MARCHF1: variants seen among roughly 807,000 people sequenced by gnomAD.
The protein encoded by MARCHF1 is membrane associated ring-CH-type finger 1.
Under a neutral mutation model 54.2 loss-of-function variants are expected in MARCHF1, and 40 were observed. The observed-to-expected ratio is 0.74, with a 90% CI of 0.57 to 0.96. The LOEUF is 0.96. Ranked by LOEUF, MARCHF1 falls within the 40% of genes least tolerant of loss-of-function variation. MARCHF1 has a pLI of 0.00. For missense variants in MARCHF1, 586 were observed against 656.5 expected, an observed-to-expected ratio of 0.89 and a Z score of 1.17; for synonymous variants, 236 against 236.3, an observed-to-expected ratio of 1.00 and a Z score of 0.01.
At chr4:163,838,232 A>G (rs1269429260) in intron 4 of MARCHF1, among the ~76,000 whole-genome samples, 3 of 152,092 alleles carry the variant, frequency 2.0e-5, no homozygotes, top group Non-Finnish European at 4.4e-5. Context: ...CCTGATGTAA[A>G]ATGGTTTAGT....
intron 4 of MARCHF1, among the ~76,000 whole-genome samples, chr4:163,841,753 T>C (rs1749345992): frequency 6.6e-6 from 1 of 152,146 alleles, no homozygotes; most frequent in South Asian, 2.1e-4. Context: ...GGTATGACAA[T>C]GTGTCTGTGG....
At chr4:163,679,894 C>T in intron 5 of MARCHF1, among the ~76,000 whole-genome samples, 1 of 152,112 alleles carries the variant, frequency 6.6e-6, no homozygotes, top group Non-Finnish European at 1.5e-5. Context: ...GCCACCGCGC[C>T]CGGCCTTTAT....
At chr4:164,312,322 T>TC (rs1303373670) in intron 1 of MARCHF1, among the ~76,000 whole-genome samples, 9 of 136,190 alleles carry the variant, frequency 6.6e-5, no homozygotes, top group Admixed American at 5.1e-4. Context: ...TCTTTTTCTT[T>TC]TTTTTTTTTT....
chr4:164,365,733 T>G (rs1730860111), intron 1 of MARCHF1, among the ~76,000 whole-genome samples: 1 of 152,082 alleles, frequency 6.6e-6, no homozygotes, highest in South Asian at 2.1e-4. Context: ...TTGAACTAGA[T>G]TTGAACTCCT....
chr4:163,533,414 C>T (rs1378963408), intron 9 of MARCHF1, among the ~76,000 whole-genome samples: 4 of 151,832 alleles, frequency 2.6e-5, no homozygotes, highest in Admixed American at 2.6e-4. Flanking sequence ...CTGTATGATT[C>T]TGTAACGGTG....
At chr4:164,134,987 A>G (rs914457815) in intron 1 of MARCHF1, among the ~76,000 whole-genome samples, 3 of 152,194 alleles carry the variant, frequency 2.0e-5, no homozygotes, top group Non-Finnish European at 2.9e-5. Context: ...TACTTCCTTC[A>G]CATTTTATTT....
intron 1 of MARCHF1, among the ~76,000 whole-genome samples, chr4:164,313,804 G>C (rs533747746): frequency 6.6e-6 from 1 of 152,164 alleles, no homozygotes; most frequent in Non-Finnish European, 1.5e-5. Flanking sequence ...GGGTCAGTCT[G>C]AGCCTCCTTC....
intron 4 of MARCHF1, among the ~76,000 whole-genome samples, chr4:163,841,252 C>T (rs1749328361): frequency 6.6e-6 from 1 of 151,938 alleles, no homozygotes; most frequent in Non-Finnish European, 1.5e-5. Context: ...TAAGAGTGAA[C>T]TCCAATATAA....
At chr4:164,293,888 G>A (rs114078752) in intron 1 of MARCHF1, among the ~76,000 whole-genome samples, 4,838 of 152,250 alleles carry the variant, frequency 0.032, 192 homozygotes, top group East Asian at 0.16. Flanking sequence ...ATTCCTGGGT[G>A]TGTCTGTGAG....
chr4:163,534,057 T>C (rs899684453), intron 9 of MARCHF1, among the ~76,000 whole-genome samples: 1 of 152,034 alleles, frequency 6.6e-6, no homozygotes, highest in African/African-American at 2.4e-5. Flanking sequence ...TTTCCAAACA[T>C]TGCACATCCT....
At chr4:163,549,083 A>T (rs553943332) in intron 8 of MARCHF1, among the ~76,000 whole-genome samples, 1 of 152,218 alleles carries the variant, frequency 6.6e-6, no homozygotes, top group South Asian at 2.1e-4. Context: ...TCCTGAGAAG[A>T]TCCTCTTCAG....
At chr4:163,652,704 T>A (rs370327494) in intron 5 of MARCHF1, among the ~76,000 whole-genome samples, 28 of 151,932 alleles carry the variant, frequency 1.8e-4, no homozygotes, top group East Asian at 9.8e-4. Flanking sequence ...TTCTTCTAAG[T>A]GTTCCATAAA....
At chr4:163,901,897 TG>T (rs1434031713) in intron 3 of MARCHF1, among the ~76,000 whole-genome samples, 1 of 152,206 alleles carries the variant, frequency 6.6e-6, no homozygotes, top group Admixed American at 6.5e-5. Flanking sequence ...CTAAAAGCCC[TG>T]GCTGTTTAAA....
At chr4:163,866,974 G>A (rs1291268917) in intron 3 of MARCHF1, among the ~76,000 whole-genome samples, 1 of 151,750 alleles carries the variant, frequency 6.6e-6, no homozygotes, top group African/African-American at 2.4e-5. Flanking sequence ...CCTGAGTTTT[G>A]GTGCCTATAT....
chr4:163,729,738 C>T (rs1273118213), intron 4 of MARCHF1, among the ~76,000 whole-genome samples: 1 of 152,030 alleles, frequency 6.6e-6, no homozygotes, highest in African/African-American at 2.4e-5. Flanking sequence ...TTTTTGTCTT[C>T]TCTCAGACAT....
intron 2 of MARCHF1, among the ~76,000 whole-genome samples, chr4:164,036,508 T>C (rs1754006934): frequency 6.6e-6 from 1 of 152,204 alleles, no homozygotes; most frequent in Non-Finnish European, 1.5e-5. Flanking sequence ...AAATTGATAT[T>C]TTACTTGTAA....
intron 4 of MARCHF1, among the ~76,000 whole-genome samples, chr4:163,754,921 C>T (rs1397976879): frequency 3.3e-5 from 5 of 152,202 alleles, no homozygotes; most frequent in East Asian, 1.9e-4. Flanking sequence ...AGAAAGGAGA[C>T]GGCAAAGATT....
chr4:164,153,699 T>G (rs1730003341), intron 1 of MARCHF1, among the ~76,000 whole-genome samples: 1 of 152,064 alleles, frequency 6.6e-6, no homozygotes, highest in Admixed American at 6.5e-5. Context: ...AACTAAAAAT[T>G]GAAAAGAAAA....
At chr4:164,270,416 T>C (rs1377764693) in intron 1 of MARCHF1, among the ~76,000 whole-genome samples, 4 of 152,210 alleles carry the variant, frequency 2.6e-5, no homozygotes, top group Non-Finnish European at 4.4e-5. Context: ...AAACTGTAAA[T>C]ATACATGTTC....
Sources: gnomAD v4.1 joint callset for allele counts (sites outside exome capture counted in the v4.1 genomes callset) on GRCh38, gnomAD v4.1.1 for gene constraint, MANE v1.5 for transcripts, NCBI Gene and HGNC (gene_info 2026-07-23, HGNC 2026-07-21) for gene names.